SMIM23: variants seen among roughly 807,000 people sequenced by gnomAD.
SMIM23 encodes the protein CTB-78H18.1.
In SMIM23, 10 loss-of-function variants were observed where a neutral mutation model predicts 12.8. The observed-to-expected ratio is 0.78, with a 90% CI of 0.48 to 1.32. SMIM23 has a LOEUF of 1.32. Among genes scored for constraint, SMIM23 ranks in the 40% most tolerant of loss-of-function variants. The pLI, the probability that SMIM23 is intolerant of heterozygous loss-of-function variation, is 0.00. For synonymous variants in SMIM23, 78 were observed against 80.1 expected, an observed-to-expected ratio of 0.97 and a Z score of 0.14; for missense variants, 184 against 198.2, an observed-to-expected ratio of 0.93 and a Z score of 0.43.
intron 1 of SMIM23, among the ~76,000 whole-genome samples, chr5:171,786,232 G>T (rs1231482700): frequency 6.6e-6 from 1 of 152,180 alleles, no homozygotes; most frequent in Non-Finnish European, 1.5e-5. Flanking sequence ...GTTCCCTGCT[G>T]AATCCCTAGT....
At chr5:171,782,269 C>G (rs116395710), upstream of SMIM23, among the ~76,000 whole-genome samples, 2,237 of 152,268 alleles carry the variant, frequency 0.015, 54 homozygotes, top group African/African-American at 0.051. Context: ...TTCAAAAAGT[C>G]TAATGGAAAT....
chr5:171,778,989 C>T (rs1489884731), upstream of SMIM23, among the ~76,000 whole-genome samples: 1 of 152,164 alleles, frequency 6.6e-6, no homozygotes, highest in East Asian at 1.9e-4. Flanking sequence ...TTTTAGTTAG[C>T]CATAGGGGCT....
chr5:171,779,116 C>T (rs1377588288), upstream of SMIM23, among the ~76,000 whole-genome samples: 1 of 152,188 alleles, frequency 6.6e-6, no homozygotes, highest in Non-Finnish European at 1.5e-5. Flanking sequence ...AAATTGATGG[C>T]GTACGTTGGG....
At chr5:171,774,133 G>T in the SMIM23 span, among the ~76,000 whole-genome samples, 2 of 152,202 alleles carry the variant, frequency 1.3e-5, no homozygotes, top group Non-Finnish European at 2.9e-5. Context: ...AAACTTGTTA[G>T]ATCCAACACA....
the SMIM23 span, among the ~76,000 whole-genome samples, chr5:171,773,415 T>TCTGAGGTCACTGAATCCCTTCC: frequency 3.6e-5 from 1 of 28,126 alleles, no homozygotes; most frequent in East Asian, 9.3e-4. Context: ...GAATCCCTTC[T>TCTGAGGTCACTGAATCCCTTCC]GAGCCCCCTG....
At position 171,790,475 on chromosome 5, in the gene SMIM23, G is replaced by C; in HGVS notation, c.158-7G>C. ...CTCTTCAGAGGTGATGTTTGTGCCT[G>C]TTTCAGGAAGCAGTTGGGAGGTGTC... On this transcript the variant is annotated splice_region_variant and splice_polypyrimidine_tract_variant and intron_variant, in intron 2 of 3. Transcript: ENST00000523047. 1 of 1,536,682 alleles carries C rather than the reference G, an allele frequency of 6.5e-7. No homozygotes were observed. The highest frequency in any genetic ancestry group is 8.7e-7 in the Non-Finnish European group (1 of 1,146,998).
At chr5:171,779,253 C>A (rs1755687880), upstream of SMIM23, among the ~76,000 whole-genome samples, 2 of 152,160 alleles carry the variant, frequency 1.3e-5, no homozygotes, top group Admixed American at 1.3e-4. Context: ...CACACTGAAC[C>A]CCACATTCTC....
At chr5:171,773,096 G>C in the SMIM23 span, among the ~76,000 whole-genome samples, 75 of 152,296 alleles carry the variant, frequency 4.9e-4, no homozygotes, top group African/African-American at 1.8e-3. Flanking sequence ...GGAGTATGTG[G>C]AAAGAGTCAG....
chr5:171,774,874 G>A, the SMIM23 span: 4 of 329,130 alleles, frequency 1.2e-5, no homozygotes, highest in South Asian at 2.4e-5. Flanking sequence ...TTTTATTAAC[G>A]TGGCCTGAAA....
upstream of SMIM23, among the ~76,000 whole-genome samples, chr5:171,781,101 C>T (rs930562973): frequency 6.6e-6 from 1 of 152,180 alleles, no homozygotes; most frequent in Non-Finnish European, 1.5e-5. Flanking sequence ...ATCTTAGTTG[C>T]ACATGGTAAT....
Position 171,791,047 on chromosome 5 carries a change from G to T in SMIM23, c.478G>T (p.Glu160Ter), listed in dbSNP as rs1203650273. The change falls in exon 4 of 4, where the codon GAG (glutamate) becomes TAG (stop). Residue 160 changes from glutamate (E) to a stop codon, truncating the protein, a stop_gained. Transcript: ENST00000523047. LOFTEE classifies it low-confidence loss of function (END_TRUNC). The part of the protein sequence containing the change: ...WALGREHKGG[E>*]GLLEISLSGA... ...CCTGGGGAGAGAGCACAAAGGTGGG[G>T]AGGGGTTGCTAGAGATTTCTCTAAG... is the stretch of plus-strand genomic sequence containing the variant. The T allele has an allele frequency of 5.9e-6, 9 of 1,526,702 alleles. No individual in the cohort carries two copies. The South Asian group carries it at 1.1e-4, about 18-fold the overall frequency. The allele number at this position is 1,526,702 out of a possible 1,614,324, so 94.6% of individuals were successfully genotyped here. A position where few individuals can be genotyped will look rare whatever the true frequency, so the allele number is the denominator to read the frequency against.
the SMIM23 span, among the ~76,000 whole-genome samples, chr5:171,776,343 G>A: frequency 3.3e-5 from 5 of 152,118 alleles, no homozygotes; most frequent in African/African-American, 1.2e-4. Flanking sequence ...AACACAACGC[G>A]CCCGAGGCAC....
intron 3 of SMIM23, 67 bp from the exon 4 acceptor site, chr5:171,790,728 A>C (rs1305490680): frequency 2.6e-6 from 4 of 1,511,730 alleles, no homozygotes; most frequent in Non-Finnish European, 1.8e-6. Flanking sequence ...TTTTGAAACC[A>C]GTGGGGATGG....
At chr5:171,789,718 G>C (rs1289462146) in intron 1 of SMIM23, among the ~76,000 whole-genome samples, 1 of 152,150 alleles carries the variant, frequency 6.6e-6, no homozygotes, top group Non-Finnish European at 1.5e-5. Flanking sequence ...CTTATACAAG[G>C]TTATGGAACA....
chr5:171,783,697 G>GT (rs1401254945), upstream of SMIM23, among the ~76,000 whole-genome samples: 5 of 152,194 alleles, frequency 3.3e-5, no homozygotes, highest in Non-Finnish European at 7.3e-5. Flanking sequence ...AAAAGAAAAA[G>GT]TGATAGACTG....
chr5:171,781,709 A>G (rs963264331), upstream of SMIM23, among the ~76,000 whole-genome samples: 1 of 152,236 alleles, frequency 6.6e-6, no homozygotes, highest in Non-Finnish European at 1.5e-5. Context: ...AGGAGTGGAG[A>G]TTGCATGAAA....
the SMIM23 span, chr5:171,774,001 T>A: frequency 2.7e-6 from 1 of 372,200 alleles, no homozygotes; most frequent in Non-Finnish European, 5.3e-6. Context: ...TTCTTGTGTG[T>A]GCACTTCGCA....
chr5:171,790,607 G>C, intron 3 of SMIM23, 58 bp downstream of exon 3: 1 of 1,485,836 alleles, frequency 6.7e-7, no homozygotes, highest in South Asian at 1.2e-5. Context: ...TCCAGAGGAG[G>C]TGTCATTGGC....
In SMIM23 at chr5:171,785,982, G is replaced by A. The variant is rs906515341; in HGVS notation, c.105+6G>A. 33 of 1,534,854 alleles carry A rather than the reference G, an allele frequency of 2.2e-5. No homozygotes were observed. The highest frequency in any genetic ancestry group is 2.8e-5 in the Non-Finnish European group (32 of 1,145,650). On this transcript the variant is annotated splice_donor_region_variant and intron_variant, in intron 1 of 3. Transcript: ENST00000523047. ...ACTGTGATGACGAGAAGCAGGTGAG[G>A]CCAGGCCAGGTACATGCTGCTTTCC...
Sources: allele counts gnomAD v4.1 joint callset (sites outside exome capture counted in the v4.1 genomes callset), GRCh38; gene constraint gnomAD v4.1.1; transcripts MANE v1.5; gene names NCBI Gene and HGNC (gene_info 2026-07-23, HGNC 2026-07-21).